Variants in HERC2 observed in about 807,000 individuals in gnomAD.
HERC2 encodes the protein E3 ubiquitin-protein ligase HERC2.
A neutral mutation model predicts 537.7 loss-of-function variants in HERC2; 102 were observed. That is an observed-to-expected ratio of 0.19 (90% confidence interval 0.16 to 0.22). The LOEUF (loss-of-function observed/expected upper bound fraction) is 0.22, where lower values mean the gene tolerates loss of function less well. Ranked by LOEUF, HERC2 falls within the 10% of genes least tolerant of loss-of-function variation. The pLI is 1.00. For synonymous variants in HERC2, 2,224 were observed against 2,466.2 expected (o/e 0.90, Z 2.91); for missense variants, 4,236 against 6,198.2 (o/e 0.68, Z 10.63).
chr15:28,236,669 C>G (rs1187628910), intron 26 of HERC2, among the ~76,000 whole-genome samples: 4 of 152,056 alleles, frequency 2.6e-5, no homozygotes, highest in Non-Finnish European at 1.5e-5. Flanking sequence ...CTCACTGCAG[C>G]CTCAACCTCC....
chr15:28,252,337 C>T (rs2075110709), intron 20 of HERC2, among the ~76,000 whole-genome samples: 1 of 151,844 alleles, frequency 6.6e-6, no homozygotes, highest in African/African-American at 2.4e-5. Context: ...GCACTGCCCT[C>T]GTGAGAACAA....
chr15:28,174,725 A>G, intron 64 of HERC2, 105 bp from the exon 65 acceptor site: 1 of 943,806 alleles, frequency 1.1e-6, no homozygotes, highest in Non-Finnish European at 1.6e-6. Flanking sequence ...ACGGTAGTTG[A>G]AAGAATTGAG....
chr15:28,282,139 T>C (rs967382842), intron 4 of HERC2, among the ~76,000 whole-genome samples: 2 of 152,112 alleles, frequency 1.3e-5, no homozygotes, highest in African/African-American at 2.4e-5. Flanking sequence ...CTAGGCAAAG[T>C]GGGAAGCCTG....
At chr15:28,137,552 G>C (rs554062423) in intron 78 of HERC2, among the ~76,000 whole-genome samples, 36 of 152,316 alleles carry the variant, frequency 2.4e-4, no homozygotes, top group Non-Finnish European at 4.3e-4. Context: ...TCTGTGATCA[G>C]TAATGTTTGA....
At chr15:28,193,292 C>T (rs1179675646) in intron 52 of HERC2, among the ~76,000 whole-genome samples, 1 of 151,880 alleles carries the variant, frequency 6.6e-6, no homozygotes, top group Non-Finnish European at 1.5e-5. Flanking sequence ...CAGCAGAGAA[C>T]CAAAAACTAC....
At chr15:28,240,691 G>C (rs1178693860) in intron 23 of HERC2, among the ~76,000 whole-genome samples, 2 of 152,146 alleles carry the variant, frequency 1.3e-5, no homozygotes, top group Non-Finnish European at 2.9e-5. Flanking sequence ...GCACTGGACA[G>C]ACAAACATAC....
At chr15:28,124,601 C>T (rs7169133) in intron 84 of HERC2, among the ~76,000 whole-genome samples, 129,264 of 152,150 alleles carry the variant, frequency 0.85, 58,339 homozygotes, top group Non-Finnish European at 0.99. Flanking sequence ...ACTCTGTCAC[C>T]CAAGTAAGAG....
intron 15 of HERC2, 86 bp downstream of exon 15, chr15:28,262,832 A>G: frequency 7.4e-7 from 1 of 1,354,006 alleles, no homozygotes. Flanking sequence ...ATGGAATGTC[A>G]GGTTAAGAAC....
intron 78 of HERC2, among the ~76,000 whole-genome samples, chr15:28,136,731 G>A (rs544186080): frequency 1.1e-4 from 16 of 152,342 alleles, no homozygotes; most frequent in South Asian, 6.2e-4. Context: ...GTCCAGGGCT[G>A]CTTTTGTAGT....
At chr15:28,191,080 C>T (rs1896813289) in intron 54 of HERC2, 24 bp from the exon 55 acceptor site, 1 of 1,592,676 alleles carries the variant, frequency 6.3e-7, no homozygotes, top group Non-Finnish European at 8.6e-7. Flanking sequence ...GGTAAAGAAT[C>T]AAACAAAGGC....
chr15:28,305,910 C>T (rs546800229), intron 2 of HERC2, among the ~76,000 whole-genome samples: 77 of 152,078 alleles, frequency 5.1e-4, no homozygotes, highest in Non-Finnish European at 1.1e-3. Flanking sequence ...TTTATGCAGC[C>T]AAAAAATACA....
At chr15:28,246,949 TAAAC>T (rs764095802) in intron 21 of HERC2, 52 bp from the exon 22 acceptor site, 2 of 1,480,866 alleles carry the variant, frequency 1.4e-6, no homozygotes, top group Non-Finnish European at 1.9e-6. Context: ...TTTTTCTTTG[TAAAC>T]AAACTAACTG....
rs1372217684 is a variant in HERC2, at chr15:28,295,158, T to G, written c.188-2136A>C. Among the ~76,000 whole-genome samples, 3 of 152,008 alleles carry G rather than the reference T, an allele frequency of 2.0e-5. No individual in the cohort carries two copies. In the East Asian group the frequency reaches 5.8e-4, roughly 29 times the overall value. On this transcript the variant is annotated intron_variant, in intron 3 of 92. Transcript: ENST00000261609. Reference sequence around the variant, plus strand: ...ACAGACCAAGAGAAATGTTACAGATTGCCAGTGGGAATGCAAACTAAAACA... The same window carrying G: ...ACAGACCAAGAGAAATGTTACAGATGGCCAGTGGGAATGCAAACTAAAACA...
chr15:28,153,702 A>G (rs1892694536), intron 69 of HERC2, among the ~76,000 whole-genome samples: 2 of 152,226 alleles, frequency 1.3e-5, no homozygotes, highest in Admixed American at 1.3e-4. Context: ...CACACACAAC[A>G]CTTAATATGT....
intron 86 of HERC2, among the ~76,000 whole-genome samples, chr15:28,120,020 G>A (rs1358501019): frequency 1.3e-5 from 2 of 152,186 alleles, no homozygotes. Context: ...GTGCGGTTTT[G>A]AGGGAGGTGC....
rs186439528 is a variant in HERC2 at position 28,307,516 on chromosome 15, A to G, written c.73-8000T>C. On this transcript the variant is annotated intron_variant, in intron 2 of 92. Coordinates refer to ENST00000261609, the MANE Select transcript of HERC2 (RefSeq NM_004667.6). Reference sequence around the variant, plus strand: ...TTTTCCTCTTAGTACTGCTTTAACTATATCCCACAGATTTCGTATGCTGTG... The same window carrying G: ...TTTTCCTCTTAGTACTGCTTTAACTGTATCCCACAGATTTCGTATGCTGTG... Among the ~76,000 whole-genome samples the G allele has an allele frequency of 5.3e-5, 8 of 152,282 alleles. No individual in the cohort carries two copies. In the South Asian group the frequency reaches 6.2e-4, roughly 12 times the overall value.
At chr15:28,132,539 T>A in intron 80 of HERC2, 114 bp downstream of exon 80, 2 of 1,070,772 alleles carry the variant, frequency 1.9e-6, no homozygotes, top group Non-Finnish European at 2.5e-6. Flanking sequence ...AAAAATACAG[T>A]GGGCCTTCTA....
chr15:28,256,992 T>C, intron 17 of HERC2, 69 bp downstream of exon 17: 1 of 1,360,102 alleles, frequency 7.4e-7, no homozygotes, highest in Non-Finnish European at 1.0e-6. Context: ...CCCTTCAAAA[T>C]ACATAAACCT....
In HERC2 at chr15:28,113,709, TC is replaced by T. The variant is rs1566904579; in HGVS notation, c.13914-32del. On this transcript the variant is annotated intron_variant, in intron 90 of 92. Transcript: ENST00000261609. The surrounding 1 kb of genome is among the most constrained non-coding windows in gnomAD (Gnocchi z 7.0). ...AGAAAAAGCTCACTTTACACTTCTG[TC>T]TTCAGTGACACTGACTTTATGCTGC... 4 of 1,564,932 alleles carry T rather than the reference TC, an allele frequency of 2.6e-6. No homozygotes were observed. In the East Asian group the frequency reaches 6.7e-5, roughly 26 times the overall value.
Sources: allele counts gnomAD v4.1 joint callset (sites outside exome capture counted in the v4.1 genomes callset), GRCh38; gene constraint gnomAD v4.1.1; non-coding constraint Gnocchi (gnomAD v3.1); transcripts MANE v1.5; gene names NCBI Gene and HGNC (gene_info 2026-07-23, HGNC 2026-07-21).